Variants in ROBO1 observed in about 807,000 individuals in gnomAD.
ROBO1 encodes the protein roundabout homolog 1.
Under a neutral mutation model 195.9 loss-of-function variants are expected in ROBO1, and 149 were observed. That is an observed-to-expected ratio of 0.76 (90% CI 0.67 to 0.87). The LOEUF is 0.87. Among genes scored for constraint, ROBO1 ranks in the 40% least tolerant of loss-of-function variants. ROBO1 has a pLI of 0.00. For missense variants in ROBO1, 1,933 were observed against 2,068.3 expected (o/e 0.93, Z 1.27); for synonymous variants, 816 against 733.2 (o/e 1.11, Z -1.82).
At chr3:78,774,999 T>C (rs928116630) in intron 4 of ROBO1, among the ~76,000 whole-genome samples, 1 of 152,174 alleles carries the variant, frequency 6.6e-6, no homozygotes, top group Admixed American at 6.5e-5. Context: ...CTTGAAAAAA[T>C]AGACTTTTTC....
At chr3:79,153,214 C>T (rs573448484) in intron 2 of ROBO1, among the ~76,000 whole-genome samples, 44 of 151,770 alleles carry the variant, frequency 2.9e-4, no homozygotes, top group African/African-American at 1.0e-3. Context: ...AAGACTTCCA[C>T]GTAGAAGAAC....
chr3:79,056,730 G>A (rs190027588), intron 3 of ROBO1, among the ~76,000 whole-genome samples: 22 of 152,102 alleles, frequency 1.4e-4, no homozygotes, highest in Non-Finnish European at 2.5e-4. Flanking sequence ...AATCCAGACC[G>A]CCCAGTTATC....
At chr3:79,530,293 C>T (rs915709648) in intron 2 of ROBO1, among the ~76,000 whole-genome samples, 1 of 152,078 alleles carries the variant, frequency 6.6e-6, no homozygotes, top group African/African-American at 2.4e-5. Context: ...ATAGGTATGG[C>T]ATGAGGTACC....
At chr3:79,706,728 TC>T (rs1415537064) in intron 1 of ROBO1, among the ~76,000 whole-genome samples, 1 of 152,088 alleles carries the variant, frequency 6.6e-6, no homozygotes, top group Non-Finnish European at 1.5e-5. Flanking sequence ...TATGACTTGC[TC>T]CTCCTTGCCT....
intron 2 of ROBO1, among the ~76,000 whole-genome samples, chr3:79,499,395 C>G (rs922250599): frequency 1.3e-5 from 2 of 152,294 alleles, no homozygotes; most frequent in African/African-American, 4.8e-5. Flanking sequence ...CTAAATACAT[C>G]TGTAAAGCAA....
intron 2 of ROBO1, among the ~76,000 whole-genome samples, chr3:79,457,939 C>A (rs2039676565): frequency 6.6e-6 from 1 of 152,106 alleles, no homozygotes; most frequent in African/African-American, 2.4e-5. Context: ...CAGCTCTGAT[C>A]TGGCTCACAG....
intron 3 of ROBO1, among the ~76,000 whole-genome samples, chr3:79,099,770 G>T (rs1156923130): frequency 6.6e-6 from 1 of 151,744 alleles, no homozygotes; most frequent in African/African-American, 2.4e-5. Context: ...ATATTGCCTT[G>T]TTTGTATATA....
At chr3:79,212,838 T>TAAATA (rs371670959) in intron 2 of ROBO1, among the ~76,000 whole-genome samples, 1,676 of 150,106 alleles carry the variant, frequency 0.011, 20 homozygotes, top group African/African-American at 0.024. Context: ...TAAAATAAAA[T>TAAATA]AAATAAAATA....
intron 2 of ROBO1, among the ~76,000 whole-genome samples, chr3:79,181,884 C>G (rs928855249): frequency 6.8e-6 from 1 of 147,524 alleles, no homozygotes; most frequent in African/African-American, 2.5e-5. Flanking sequence ...TGTTGTCATG[C>G]CAATGCATTC....
At chr3:79,406,164 C>T (rs1029647581) in intron 2 of ROBO1, among the ~76,000 whole-genome samples, 3 of 151,042 alleles carry the variant, frequency 2.0e-5, no homozygotes, top group Admixed American at 6.6e-5. Context: ...TGGAGATAAC[C>T]GTAGAGGGTT....
At chr3:79,075,758 G>A (rs2108447924) in intron 3 of ROBO1, among the ~76,000 whole-genome samples, 1 of 152,006 alleles carries the variant, frequency 6.6e-6, no homozygotes, top group Non-Finnish European at 1.5e-5. Context: ...AGTAGCTTTA[G>A]CTCCATTGTG....
At chr3:78,909,670 AT>A (rs2038132863) in intron 4 of ROBO1, among the ~76,000 whole-genome samples, 1 of 151,764 alleles carries the variant, frequency 6.6e-6, no homozygotes, top group Non-Finnish European at 1.5e-5. Context: ...ATCAATTACT[AT>A]TTTTATTTCA....
At chr3:78,849,134 A>G (rs2033867330) in intron 4 of ROBO1, among the ~76,000 whole-genome samples, 1 of 152,114 alleles carries the variant, frequency 6.6e-6, no homozygotes, top group Non-Finnish European at 1.5e-5. Context: ...TGAGTGGAGT[A>G]GTCTTTAAAT....
chr3:79,610,657 C>T (rs1320834449), intron 1 of ROBO1, among the ~76,000 whole-genome samples: 1 of 151,912 alleles, frequency 6.6e-6, no homozygotes, highest in Admixed American at 6.6e-5. Flanking sequence ...GTGAGCAAGC[C>T]TTCAGATTCT....
At chr3:78,892,384 C>T (rs898316386) in intron 4 of ROBO1, among the ~76,000 whole-genome samples, 1 of 152,158 alleles carries the variant, frequency 6.6e-6, no homozygotes, top group African/African-American at 2.4e-5. Flanking sequence ...GGTTAGAGCA[C>T]GGACTCTGGA....
At position 78,597,260 on chromosome 3, in the gene ROBO1, T is replaced by TA. The variant is rs1241521716; in HGVS notation, c.*1652dup. 2.6e-5 allele frequency: 4 copies of TA among 152,576 alleles called. No homozygotes were observed. Among genetic ancestry groups the TA allele is most frequent in the Non-Finnish European group, 5.9e-5 (4 of 67,982 alleles). 9.5% of individuals were successfully genotyped at this position (152,576 alleles called of 1,614,324 possible). On this transcript the variant is annotated 3_prime_UTR_variant, in exon 31 of 31. Transcript: ENST00000464233. Reference sequence around the variant, plus strand: ...AAGATGTATTTGAGAACATTTTTAATAAATAATGTGACAAAATTACTTTTC... The same window carrying TA: ...AAGATGTATTTGAGAACATTTTTAATAAAATAATGTGACAAAATTACTTTTC...
chr3:78,604,056 ATATTTATT>A lies in ROBO1; in HGVS notation c.4744+2669_4744+2676del, dbSNP rs546399622. Among the ~76,000 whole-genome samples the A allele has an allele frequency of 2.4e-4, 36 of 151,584 alleles. 1 individual carries two copies. The highest frequency in any genetic ancestry group is 1.8e-3 in the Admixed American group (27 of 15,208). On this transcript the variant is annotated intron_variant, in intron 29 of 30. Transcript: ENST00000464233. Reference sequence around the variant, plus strand: ...CTCACCTACTTTTTAATTTTTTAAAATATTTATTTATTTATTTATTTATTATTTTCCAA... The same window carrying A: ...CTCACCTACTTTTTAATTTTTTAAAATATTTATTTATTTATTATTTTCCAA...
At chr3:79,284,763 G>C (rs1559790249) in intron 2 of ROBO1, among the ~76,000 whole-genome samples, 1 of 152,100 alleles carries the variant, frequency 6.6e-6, no homozygotes, top group Non-Finnish European at 1.5e-5. Context: ...TTCTATACTT[G>C]ATTGAAGTGA....
chr3:78,886,649 A>G (rs992338589), intron 4 of ROBO1, among the ~76,000 whole-genome samples: 3 of 152,176 alleles, frequency 2.0e-5, no homozygotes, highest in African/African-American at 7.2e-5. Context: ...GAGTAAAGAA[A>G]GAAGATGCCT....
Sources: gnomAD v4.1 joint callset for allele counts (sites outside exome capture counted in the v4.1 genomes callset) on GRCh38, gnomAD v4.1.1 for gene constraint, MANE v1.5 for transcripts, NCBI Gene and HGNC (gene_info 2026-07-23, HGNC 2026-07-21) for gene names.